The following CLCN3 variants were observed in gnomAD, a reference collection of about 807,000 sequenced individuals.
CLCN3 encodes H(+)/Cl(-) exchange transporter 3.
Under a neutral mutation model 83.4 loss-of-function variants are expected in CLCN3, and 16 were observed. The ratio of observed to expected loss-of-function variants is 0.19; its 90% CI spans 0.13 to 0.29. The LOEUF (loss-of-function observed/expected upper bound fraction) is 0.29, where lower values mean the gene tolerates loss of function less well. Ranked by LOEUF, CLCN3 falls within the 10% of genes least tolerant of loss-of-function variation. The probability of loss-of-function intolerance (pLI) is 1.00; values close to 1 mark genes in which losing one functional copy is unlikely to be tolerated. For missense variants in CLCN3, 544 were observed against 1,006.0 expected, an observed-to-expected ratio of 0.54 and a Z score of 6.21; for synonymous variants, 322 against 346.2, an observed-to-expected ratio of 0.93 and a Z score of 0.78.
intron 1 of CLCN3, among the ~76,000 whole-genome samples, chr4:169,633,477 A>T (rs978154602): frequency 2.6e-5 from 4 of 151,088 alleles, no homozygotes; most frequent in African/African-American, 9.8e-5. Flanking sequence ...GTTAGAGTCT[A>T]AATAGCCTTT....
At chr4:169,661,807 A>G (rs1259426833) in intron 2 of CLCN3, among the ~76,000 whole-genome samples, 3 of 152,140 alleles carry the variant, frequency 2.0e-5, no homozygotes, top group Non-Finnish European at 2.9e-5. Context: ...TTTTTTCTTA[A>G]TGTTACGATC....
intron 2 of CLCN3, chr4:169,663,682 T>C: frequency 4.8e-6 from 2 of 413,352 alleles, no homozygotes; most frequent in African/African-American, 2.1e-5. Context: ...TAAATCCTCA[T>C]CACAAGTTTA....
intron 2 of CLCN3, among the ~76,000 whole-genome samples, chr4:169,667,703 A>G (rs920870917): frequency 1.8e-5 from 2 of 112,234 alleles, no homozygotes; most frequent in African/African-American, 5.2e-5. Flanking sequence ...TTTTTGCTCA[A>G]TATACAGTTG....
intron 3 of CLCN3, among the ~76,000 whole-genome samples, chr4:169,685,296 A>C (rs1732111196): frequency 6.6e-6 from 1 of 152,198 alleles, no homozygotes; most frequent in African/African-American, 2.4e-5. Flanking sequence ...ACATATATGA[A>C]GTATTTCCAC....
intron 7 of CLCN3, among the ~76,000 whole-genome samples, chr4:169,692,729 A>C (rs1027014448): frequency 2.4e-4 from 37 of 152,216 alleles, no homozygotes; most frequent in Non-Finnish European, 5.1e-4. Flanking sequence ...GTGCCAGTGT[A>C]AGTGGTGTGT....
intron 6 of CLCN3, 123 bp downstream of exon 6, chr4:169,690,775 A>T: frequency 1.1e-6 from 1 of 870,720 alleles, no homozygotes; most frequent in South Asian, 2.1e-5. Context: ...ATGAAAAAAA[A>T]ATTTTTTTAA....
chr4:169,637,590 C>CACT (rs1730258275), intron 2 of CLCN3, among the ~76,000 whole-genome samples: 1 of 139,756 alleles, frequency 7.2e-6, no homozygotes, highest in East Asian at 1.9e-4. Flanking sequence ...CAAACACCAC[C>CACT]ACCACCAACA....
At position 169,704,072 on chromosome 4, in the gene CLCN3, G is replaced by A; in HGVS notation, c.1638G>A (p.Glu546=). The part of the protein sequence containing the change: ...IAGRIVGIAV[E]QLAYYHHDWF... Reference sequence around the variant, plus strand: ...GAAGGATTGTGGGGATTGCGGTGGAGCAGCTTGCCTACTATCACCACGACT... The same window carrying A: ...GAAGGATTGTGGGGATTGCGGTGGAACAGCTTGCCTACTATCACCACGACT... Residue 546 remains glutamate, a synonymous_variant, in exon 10 of 13, where the codon GAG becomes GAA. Transcript: ENST00000513761. 6.2e-7 allele frequency: 1 copy of A among 1,614,098 alleles called. No homozygotes were observed. Among genetic ancestry groups the A allele is most frequent in the Non-Finnish European group, 8.5e-7 (1 of 1,180,010 alleles).
At chr4:169,651,987 A>G (rs1380040205) in intron 2 of CLCN3, among the ~76,000 whole-genome samples, 1 of 152,168 alleles carries the variant, frequency 6.6e-6, no homozygotes, top group Admixed American at 6.5e-5. Flanking sequence ...AGAAATCCAC[A>G]TTAGATATTA....
intron 5 of CLCN3, 125 bp downstream of exon 5, chr4:169,689,355 C>A: frequency 1.4e-6 from 1 of 706,496 alleles, no homozygotes; most frequent in Non-Finnish European, 2.2e-6. Flanking sequence ...CCACCCTCAA[C>A]ACATTGCAGC....
Position 169,657,398 on chromosome 4 carries a change from G to A in CLCN3, c.160+21310G>A, listed in dbSNP as rs1730918832. ...TTGTTTCCTAGTTTGGTTTTTTCCT[G>A]ATTACATTTTTGAGCTATAATTTAA... On this transcript the variant is annotated intron_variant, in intron 2 of 12. Coordinates refer to ENST00000513761, the MANE Select transcript of CLCN3 (RefSeq NM_001829.4). Among the ~76,000 whole-genome samples, 3 of 152,096 alleles carry A rather than the reference G, an allele frequency of 2.0e-5. No individual in the cohort carries two copies. In the South Asian group the frequency reaches 6.2e-4, roughly 32 times the overall value.
chr4:169,668,043 ATTTTTTTT>A (rs60739106), intron 2 of CLCN3, among the ~76,000 whole-genome samples: 5 of 82,344 alleles, frequency 6.1e-5, no homozygotes, highest in Non-Finnish European at 1.2e-4. Flanking sequence ...CCGGCCAGAC[ATTTTTTTT>A]TTTTTTTTTT....
chr4:169,637,254 C>T (rs1253350940), intron 2 of CLCN3, among the ~76,000 whole-genome samples: 2 of 151,516 alleles, frequency 1.3e-5, no homozygotes, highest in Non-Finnish European at 2.9e-5. Flanking sequence ...GATACATGTA[C>T]GGTATTGCAG....
At chr4:169,672,054 A>G (rs1357031833) in intron 2 of CLCN3, among the ~76,000 whole-genome samples, 1 of 151,364 alleles carries the variant, frequency 6.6e-6, no homozygotes, top group African/African-American at 2.4e-5. Flanking sequence ...TACTAAAAAT[A>G]AAAAAAAATT....
At chr4:169,673,577 TG>T (rs1731561026) in intron 2 of CLCN3, among the ~76,000 whole-genome samples, 2 of 152,130 alleles carry the variant, frequency 1.3e-5, no homozygotes, top group African/African-American at 4.8e-5. Flanking sequence ...TTTTTTTTTT[TG>T]CATAAAGAGT....
At chr4:169,669,569 G>A (rs1731380811) in intron 2 of CLCN3, among the ~76,000 whole-genome samples, 3 of 152,182 alleles carry the variant, frequency 2.0e-5, no homozygotes. Context: ...ATGTGCATGT[G>A]CATTTAATGA....
At chr4:169,632,891 A>G (rs900018624) in intron 1 of CLCN3, among the ~76,000 whole-genome samples, 6 of 152,116 alleles carry the variant, frequency 3.9e-5, no homozygotes, top group Non-Finnish European at 8.8e-5. Context: ...GGAAAAAAAA[A>G]CTGTGCTGGC....
At chr4:169,651,913 A>G (rs1730742248) in intron 2 of CLCN3, among the ~76,000 whole-genome samples, 1 of 152,180 alleles carries the variant, frequency 6.6e-6, no homozygotes, top group South Asian at 2.1e-4. Context: ...GAAATTTGTT[A>G]CCTACAACTG....
Position 169,722,904 on chromosome 4 carries a change from T to C in CLCN3, c.*2907T>C, listed in dbSNP as rs1442771835. ...CCATGAAATTGTTGTGCCTGGCTAA[T>C]TGGCAAATTAATTTACCAATATAAT... On this transcript the variant is annotated 3_prime_UTR_variant, in exon 13 of 13. Coordinates refer to ENST00000513761, the MANE Select transcript of CLCN3 (RefSeq NM_001829.4). The C allele has an allele frequency of 6.6e-6, 1 of 152,218 alleles. No individual in the cohort carries two copies. The highest frequency in any genetic ancestry group is 2.4e-5 in the African/African-American group (1 of 41,450). 9.4% of individuals were successfully genotyped at this position (152,218 alleles called of 1,614,324 possible).
Sources: gnomAD v4.1 joint callset for allele counts (sites outside exome capture counted in the v4.1 genomes callset) on GRCh38, gnomAD v4.1.1 for gene constraint, MANE v1.5 for transcripts, NCBI Gene and HGNC (gene_info 2026-07-23, HGNC 2026-07-21) for gene names.